The following MAGI2 variants were observed in gnomAD, a reference collection of about 807,000 sequenced individuals.
MAGI2 encodes the protein membrane associated guanylate kinase, WW and PDZ domain containing 2, also known as membrane-associated guanylate kinase, WW and PDZ domain-containing protein 2.
A neutral mutation model predicts 133.3 loss-of-function variants in MAGI2; 35 were observed. The observed-to-expected ratio is 0.26, with a 90% CI of 0.20 to 0.35. The LOEUF (loss-of-function observed/expected upper bound fraction) is 0.35, where lower values mean the gene tolerates loss of function less well. Among genes scored for constraint, MAGI2 ranks in the 10% least tolerant of loss-of-function variants. The probability of loss-of-function intolerance (pLI) is 1.00; values close to 1 mark genes in which losing one functional copy is unlikely to be tolerated. For missense variants in MAGI2, 1,636 were observed against 1,863.4 expected (o/e 0.88, Z 2.25); for synonymous variants, 729 against 710.6 (o/e 1.03, Z -0.41).
At chr7:79,261,282 G>T (rs6952164) in intron 1 of MAGI2, among the ~76,000 whole-genome samples, 3 of 151,942 alleles carry the variant, frequency 2.0e-5, no homozygotes, top group Non-Finnish European at 2.9e-5. Flanking sequence ...GTCCCTTGAC[G>T]TCCCTCCGAC....
intron 1 of MAGI2, among the ~76,000 whole-genome samples, chr7:79,146,704 T>C (rs769214731): frequency 1.3e-5 from 2 of 152,222 alleles, no homozygotes; most frequent in African/African-American, 2.4e-5. Flanking sequence ...TCATTCACCT[T>C]CCATCATGAT....
intron 2 of MAGI2, among the ~76,000 whole-genome samples, chr7:78,634,216 G>A (rs950997019): frequency 6.6e-6 from 1 of 152,216 alleles, no homozygotes; most frequent in African/African-American, 2.4e-5. Flanking sequence ...TTGGTCACTA[G>A]TTACAAGGAT....
intron 3 of MAGI2, among the ~76,000 whole-genome samples, chr7:78,563,453 C>T (rs1054190476): frequency 1.2e-4 from 18 of 152,082 alleles, no homozygotes; most frequent in African/African-American, 3.6e-4. Context: ...TGCAAAGCCA[C>T]ATTGATTCTA....
intron 15 of MAGI2, among the ~76,000 whole-genome samples, chr7:78,162,450 G>A (rs373789977): frequency 3.3e-5 from 5 of 151,358 alleles, no homozygotes; most frequent in East Asian, 3.9e-4. Flanking sequence ...GCGTGAACCC[G>A]GGAGGCAGAG....
intron 2 of MAGI2, among the ~76,000 whole-genome samples, chr7:78,994,246 G>A (rs1195428107): frequency 6.6e-6 from 1 of 152,060 alleles, no homozygotes; most frequent in Non-Finnish European, 1.5e-5. Context: ...AGGGCTATTT[G>A]TTCTATTATA....
chr7:79,019,777 T>G (rs1809102378), intron 1 of MAGI2, among the ~76,000 whole-genome samples: 1 of 152,146 alleles, frequency 6.6e-6, no homozygotes, highest in Admixed American at 6.5e-5. Context: ...ACTCCTGACC[T>G]CAGGTGATCC....
chr7:78,337,859 A>G (rs757317451), intron 9 of MAGI2, among the ~76,000 whole-genome samples: 4 of 151,428 alleles, frequency 2.6e-5, no homozygotes, highest in Non-Finnish European at 5.9e-5. Context: ...TTCAAATTTC[A>G]TTTCTTCATT....
In MAGI2 at chr7:78,806,867, CAAAATAAAATAAAATAAAAT is replaced by C. The variant is rs150570172; in HGVS notation, c.419-179648_419-179629del. On this transcript the variant is annotated intron_variant, in intron 2 of 21. Coordinates refer to ENST00000354212, the MANE Select transcript of MAGI2 (RefSeq NM_012301.4). ...TGGGCCACGGAGCAACACCCTGTCT[CAAAATAAAATAAAATAAAAT>C]AAAATAAAATAAAATAAAATAAAAT... is the stretch of plus-strand genomic sequence containing the variant. Among the ~76,000 whole-genome samples the C allele has an allele frequency of 6.0e-3, 772 of 128,788 alleles. 8 individuals carry two copies. The highest frequency in any genetic ancestry group is 0.019 in the African/African-American group (632 of 34,036). 84.5% of individuals were successfully genotyped at this position (128,788 alleles called of 152,430 possible). A position where few individuals can be genotyped will look rare whatever the true frequency, so the allele number is the denominator to read the frequency against.
intron 1 of MAGI2, among the ~76,000 whole-genome samples, chr7:79,228,039 C>A (rs1440848989): frequency 6.6e-6 from 1 of 151,812 alleles, no homozygotes; most frequent in Non-Finnish European, 1.5e-5. Flanking sequence ...TTTTAAAAAA[C>A]AAAAGAAAAC....
intron 10 of MAGI2, among the ~76,000 whole-genome samples, chr7:78,215,371 G>A (rs1314410305): frequency 2.6e-5 from 4 of 152,142 alleles, no homozygotes; most frequent in African/African-American, 4.8e-5. Context: ...AGAATAAGAG[G>A]CTGGTGCTTG....
chr7:78,411,525 C>T (rs559336407), intron 6 of MAGI2, among the ~76,000 whole-genome samples: 1 of 152,078 alleles, frequency 6.6e-6, no homozygotes, highest in Non-Finnish European at 1.5e-5. Context: ...GACTGACCAA[C>T]TAGAATTCAC....
intron 3 of MAGI2, among the ~76,000 whole-genome samples, chr7:78,536,765 T>G (rs1374715091): frequency 7.3e-5 from 11 of 150,634 alleles, no homozygotes; most frequent in Admixed American, 4.6e-4. Flanking sequence ...TGTTGTTTTT[T>G]TTTTTTTTTT....
At chr7:78,939,156 G>C (rs1207624397) in intron 2 of MAGI2, among the ~76,000 whole-genome samples, 1 of 152,010 alleles carries the variant, frequency 6.6e-6, no homozygotes, top group Non-Finnish European at 1.5e-5. Context: ...ACCACGCCTG[G>C]CTAATGTTTG....
chr7:78,157,456 G>T (rs774022589), intron 16 of MAGI2, among the ~76,000 whole-genome samples: 6 of 152,066 alleles, frequency 3.9e-5, no homozygotes, highest in Non-Finnish European at 5.9e-5. Context: ...ACTTATGCAT[G>T]GATTTTATTT....
chr7:79,199,319 A>C (rs1191892347), intron 1 of MAGI2, among the ~76,000 whole-genome samples: 1 of 152,058 alleles, frequency 6.6e-6, no homozygotes, highest in African/African-American at 2.4e-5. Context: ...AAAAGTTGAA[A>C]GAATAGTCCA....
chr7:78,655,797 C>T lies in MAGI2; in HGVS notation c.419-28558G>A, dbSNP rs1041520006. On this transcript the variant is annotated intron_variant, in intron 2 of 21. Coordinates refer to ENST00000354212, the MANE Select transcript of MAGI2 (RefSeq NM_012301.4). Reference sequence around the variant, plus strand: ...GAGATCGAGACCATCCTGGCTAACACGGTGAAACCCTGTCTCTACTAAAAA... The same window carrying T: ...GAGATCGAGACCATCCTGGCTAACATGGTGAAACCCTGTCTCTACTAAAAA... Among the ~76,000 whole-genome samples the T allele has an allele frequency of 1.9e-3, 281 of 151,856 alleles. 2 individuals are homozygous for T. Among genetic ancestry groups the T allele is most frequent in the African/African-American group, 6.1e-3 (255 of 41,484 alleles).
At chr7:78,274,942 A>G (rs1178938470) in intron 9 of MAGI2, among the ~76,000 whole-genome samples, 1 of 151,658 alleles carries the variant, frequency 6.6e-6, no homozygotes, top group Non-Finnish European at 1.5e-5. Context: ...TTTCCTTTCC[A>G]GGGGAGTGAA....
At chr7:79,391,669 G>GGTGTTTTTT (rs1206555175) in intron 1 of MAGI2, among the ~76,000 whole-genome samples, 6 of 150,896 alleles carry the variant, frequency 4.0e-5, no homozygotes, top group Admixed American at 2.0e-4. Context: ...CCGTCATGTA[G>GGTGTTTTTT]GTGTTTTTTG....
intron 1 of MAGI2, among the ~76,000 whole-genome samples, chr7:79,407,428 T>G (rs988616816): frequency 1.3e-5 from 2 of 152,152 alleles, no homozygotes; most frequent in African/African-American, 4.8e-5. Flanking sequence ...CATCCAGATT[T>G]TTGACATACT....
Sources: allele counts gnomAD v4.1 joint callset (sites outside exome capture counted in the v4.1 genomes callset), GRCh38; gene constraint gnomAD v4.1.1; transcripts MANE v1.5; gene names NCBI Gene and HGNC (gene_info 2026-07-23, HGNC 2026-07-21).